The following KALRN variants were observed in gnomAD, a reference collection of about 807,000 sequenced individuals.
KALRN encodes kalirin RhoGEF kinase.
In KALRN, 70 loss-of-function variants were observed where a neutral mutation model predicts 353.7. The observed-to-expected ratio is 0.20, with a 90% confidence interval of 0.16 to 0.24. The LOEUF (loss-of-function observed/expected upper bound fraction) is 0.24. Among genes scored for constraint, KALRN ranks in the 10% least tolerant of loss-of-function variants. The pLI, the probability that KALRN is intolerant of heterozygous loss-of-function variation, is 1.00. For synonymous variants in KALRN, 1,391 were observed against 1,434.8 expected, an observed-to-expected ratio of 0.97 and a Z score of 0.69; for missense variants, 2,791 against 3,756.7, an observed-to-expected ratio of 0.74 and a Z score of 6.72.
At chr3:124,098,158 A>G (rs1231956683) in intron 1 of KALRN, among the ~76,000 whole-genome samples, 1 of 152,242 alleles carries the variant, frequency 6.6e-6, no homozygotes, top group Non-Finnish European at 1.5e-5. Context: ...TTCACAGAGC[A>G]TCAGGCAGTG....
chr3:124,432,264 A>G (rs77134842), intron 16 of KALRN, among the ~76,000 whole-genome samples: 8 of 151,578 alleles, frequency 5.3e-5, no homozygotes, highest in African/African-American at 1.5e-4. Context: ...CAAAAAAAAA[A>G]GTAGCCAGGC....
intron 34 of KALRN, among the ~76,000 whole-genome samples, chr3:124,618,733 A>T (rs893587204): frequency 1.3e-5 from 2 of 152,154 alleles, no homozygotes; most frequent in Admixed American, 1.3e-4. Flanking sequence ...CCTGCCAGAT[A>T]TGGAGCTTGG....
chr3:124,713,849 C>T (rs747558063), intron 58 of KALRN, among the ~76,000 whole-genome samples: 31 of 152,134 alleles, frequency 2.0e-4, no homozygotes, highest in Non-Finnish European at 3.2e-4. Context: ...CAGACATTTC[C>T]GCCAAAGACC....
At chr3:124,658,046 TG>T (rs948439134) in intron 41 of KALRN, among the ~76,000 whole-genome samples, 2 of 151,958 alleles carry the variant, frequency 1.3e-5, no homozygotes, top group Admixed American at 6.6e-5. Context: ...CCTAGCCACT[TG>T]GGGGGGCGGA....
chr3:124,272,730 C>T (rs1160723006), intron 5 of KALRN, among the ~76,000 whole-genome samples: 1 of 152,162 alleles, frequency 6.6e-6, no homozygotes, highest in African/African-American at 2.4e-5. Flanking sequence ...CCAGCTGCCA[C>T]TGAAAATGTG....
In KALRN at chr3:124,661,991, C is replaced by T. The variant is rs6772913; in HGVS notation, c.6345+63C>T. The T allele has an allele frequency of 4.0e-3, 5,237 of 1,321,600 alleles. 157 individuals carry two copies. The African/African-American group carries it at 0.065, about 16-fold the overall frequency. 81.9% of individuals were successfully genotyped at this position (1,321,600 alleles called of 1,614,324 possible). A position where few individuals can be genotyped will look rare whatever the true frequency, so the allele number is the denominator to read the frequency against. On this transcript the variant is annotated intron_variant, in intron 45 of 59. Transcript: ENST00000682506. ...AGGACAATAGGAGTCCAGACTGTTG[C>T]GGCTTCCTCCCCCTGAAGCCTTGTG... is the stretch of plus-strand genomic sequence containing the variant.
At chr3:124,575,915 T>TGGTAACA (rs2074042357) in intron 34 of KALRN, among the ~76,000 whole-genome samples, 1 of 152,138 alleles carries the variant, frequency 6.6e-6, no homozygotes, top group Non-Finnish European at 1.5e-5. Context: ...GGTAACATAT[T>TGGTAACA]TATAGGTTCT....
intron 10 of KALRN, among the ~76,000 whole-genome samples, chr3:124,355,758 C>T (rs1471489982): frequency 1.5e-5 from 2 of 136,710 alleles, no homozygotes; most frequent in Non-Finnish European, 3.1e-5. Flanking sequence ...CTCTGTCACC[C>T]AGGCTGGAGT....
chr3:124,419,919 C>G (rs1020563092), intron 14 of KALRN, among the ~76,000 whole-genome samples: 4 of 152,180 alleles, frequency 2.6e-5, no homozygotes, highest in African/African-American at 9.7e-5. Context: ...TCAACACAAG[C>G]AAACTCTGCC....
chr3:124,263,353 C>T lies in KALRN; in HGVS notation c.264-1145C>T, dbSNP rs2073126227. On this transcript the variant is annotated intron_variant, in intron 3 of 59. Transcript: ENST00000682506. ...CTGCATCTTCCATTCCAGTCAGTTC[C>T]ACTCTTGGCTCTCTCTGAGTGATCA... is the stretch of plus-strand genomic sequence containing the variant. Among the ~76,000 whole-genome samples the T allele has an allele frequency of 2.0e-5, 3 of 152,268 alleles. No homozygotes were observed. The South Asian group carries it at 6.2e-4, about 32-fold the overall frequency.
chr3:124,300,200 T>C (rs2077155882), intron 6 of KALRN, among the ~76,000 whole-genome samples: 1 of 152,224 alleles, frequency 6.6e-6, no homozygotes, highest in Non-Finnish European at 1.5e-5. Context: ...CTTTTGCCAT[T>C]ACTTTTAATT....
chr3:124,424,877 G>C (rs1462041819), intron 15 of KALRN, among the ~76,000 whole-genome samples: 1 of 152,118 alleles, frequency 6.6e-6, no homozygotes, highest in Non-Finnish European at 1.5e-5. Context: ...GGTACCATGG[G>C]GTTAGTGCTC....
At chr3:124,661,076 A>G (rs2084812458) in intron 44 of KALRN, 103 bp downstream of exon 44, 1 of 895,946 alleles carries the variant, frequency 1.1e-6, no homozygotes, top group Non-Finnish European at 1.9e-6. Context: ...ATCCAGGTGG[A>G]CCCCTCTCAG....
chr3:124,691,519 G>A (rs2061815582), intron 51 of KALRN, among the ~76,000 whole-genome samples: 1 of 152,280 alleles, frequency 6.6e-6, no homozygotes, highest in East Asian at 1.9e-4. Context: ...GGAAACAACA[G>A]TCACCCCAAA....
At chr3:124,539,835 T>C (rs1217961613) in intron 33 of KALRN, among the ~76,000 whole-genome samples, 1 of 151,198 alleles carries the variant, frequency 6.6e-6, no homozygotes, top group African/African-American at 2.4e-5. Context: ...TCTCAGCTCA[T>C]TGCAGCCTTG....
At chr3:124,205,380 A>G (rs763774564) in intron 1 of KALRN, among the ~76,000 whole-genome samples, 15 of 152,254 alleles carry the variant, frequency 9.9e-5, no homozygotes, top group Non-Finnish European at 1.6e-4. Flanking sequence ...TATTTTACAC[A>G]AATGAAAATC....
chr3:124,380,138 A>C (rs963123821), intron 10 of KALRN, among the ~76,000 whole-genome samples: 1 of 152,192 alleles, frequency 6.6e-6, no homozygotes, highest in African/African-American at 2.4e-5. Context: ...TTACCAAGGA[A>C]GTAGCCTCTT....
At chr3:124,332,747 G>C (rs1581059271) in intron 8 of KALRN, among the ~76,000 whole-genome samples, 1 of 152,252 alleles carries the variant, frequency 6.6e-6, no homozygotes, top group South Asian at 2.1e-4. Flanking sequence ...AAGTGTCCCA[G>C]CCTTTCTCTG....
At chr3:124,620,792 G>C (rs2079179027) in intron 34 of KALRN, among the ~76,000 whole-genome samples, 2 of 152,210 alleles carry the variant, frequency 1.3e-5, no homozygotes, top group African/African-American at 2.4e-5. Context: ...CCCTTTGAGG[G>C]CTTTCCTCCC....
Sources: allele counts gnomAD v4.1 joint callset (sites outside exome capture counted in the v4.1 genomes callset), GRCh38; gene constraint gnomAD v4.1.1; transcripts MANE v1.5; gene names NCBI Gene and HGNC (gene_info 2026-07-23, HGNC 2026-07-21).